CACNA2D1: variants seen among roughly 807,000 people sequenced by gnomAD.
CACNA2D1 encodes voltage-dependent calcium channel subunit alpha-2/delta-1.
CACNA2D1 carries 53 observed loss-of-function variants against 171.5 expected under a neutral mutation model. The observed-to-expected ratio is 0.31, with a 90% CI of 0.25 to 0.39. CACNA2D1 has a LOEUF of 0.39. Ranked by LOEUF, CACNA2D1 falls within the 10% of genes least tolerant of loss-of-function variation. The probability of loss-of-function intolerance (pLI) is 1.00; values close to 1 mark genes in which losing one functional copy is unlikely to be tolerated. For missense variants in CACNA2D1, 903 were observed against 1,299.8 expected (o/e 0.69, Z 4.69); for synonymous variants, 442 against 443.1 (o/e 1.00, Z 0.03).
At chr7:81,951,252 T>C (rs28575317) in intron 38 of CACNA2D1, among the ~76,000 whole-genome samples, 38,484 of 152,024 alleles carry the variant, frequency 0.25, 5,169 homozygotes, top group African/African-American at 0.34. Flanking sequence ...AAAAGTATTA[T>C]TCATCTTTTA....
At chr7:82,086,576 A>G (rs570476049) in intron 6 of CACNA2D1, among the ~76,000 whole-genome samples, 1 of 152,274 alleles carries the variant, frequency 6.6e-6, no homozygotes, top group Admixed American at 6.5e-5. Context: ...ACTATTCATG[A>G]ATATTTATAT....
chr7:81,954,965 T>C (rs1306999062), intron 38 of CACNA2D1, among the ~76,000 whole-genome samples: 1 of 152,172 alleles, frequency 6.6e-6, no homozygotes, highest in Non-Finnish European at 1.5e-5. Context: ...AGTATATTTA[T>C]TCAACTCTTT....
At chr7:82,306,691 G>A (rs974252178) in intron 3 of CACNA2D1, among the ~76,000 whole-genome samples, 2 of 152,082 alleles carry the variant, frequency 1.3e-5, no homozygotes, top group African/African-American at 2.4e-5. Context: ...CTGCATCTTC[G>A]TTTTTAAAAT....
At position 82,293,961 on chromosome 7, in the gene CACNA2D1, G is replaced by C. The variant is rs150440027; in HGVS notation, c.294+41174C>G. On this transcript the variant is annotated intron_variant, in intron 3 of 38. Transcript: ENST00000356860. ...GCTCTTTCTGCTCTTAGAAGACAAT[G>C]ATCTCTCTTCTGGCTCTACAATTTT... Among the ~76,000 whole-genome samples the C allele has an allele frequency of 3.3e-3, 505 of 152,172 alleles. 16 individuals are homozygous for C. The highest frequency in any genetic ancestry group is 0.03 in the Admixed American group (455 of 15,280).
intron 1 of CACNA2D1, among the ~76,000 whole-genome samples, chr7:82,387,492 G>A (rs904611821): frequency 6.6e-5 from 10 of 152,244 alleles, no homozygotes; most frequent in Non-Finnish European, 1.3e-4. Context: ...CAAATTTAAC[G>A]TGTCTTTAAA....
intron 3 of CACNA2D1, among the ~76,000 whole-genome samples, chr7:82,328,524 C>T (rs1816914590): frequency 6.6e-6 from 1 of 152,132 alleles, no homozygotes; most frequent in Non-Finnish European, 1.5e-5. Context: ...TAATAATATT[C>T]CTTCTGTCCC....
intron 20 of CACNA2D1, among the ~76,000 whole-genome samples, chr7:81,992,114 A>G (rs1008694205): frequency 8.6e-5 from 13 of 151,126 alleles, no homozygotes; most frequent in Admixed American, 8.6e-4. Context: ...AAGTGCTAGG[A>G]TTACAGGAGT....
chr7:82,206,471 A>C (rs571687752), intron 3 of CACNA2D1, among the ~76,000 whole-genome samples: 10 of 152,158 alleles, frequency 6.6e-5, no homozygotes, highest in Non-Finnish European at 1.3e-4. Flanking sequence ...AATGGTAGCA[A>C]TACTACCACT....
At chr7:82,441,713 G>C (rs1180448335) in intron 1 of CACNA2D1, among the ~76,000 whole-genome samples, 3 of 151,978 alleles carry the variant, frequency 2.0e-5, no homozygotes, top group Non-Finnish European at 2.9e-5. Flanking sequence ...TAAAAATATT[G>C]ATAAATTGTC....
chr7:82,060,936 A>G (rs1227373605), intron 9 of CACNA2D1, among the ~76,000 whole-genome samples: 1 of 152,152 alleles, frequency 6.6e-6, no homozygotes, highest in Non-Finnish European at 1.5e-5. Context: ...ATAAATCCAC[A>G]TAACAATTAT....
At chr7:82,020,691 T>C (rs1037434268) in intron 12 of CACNA2D1, 8 of 152,090 alleles carry the variant, frequency 5.3e-5, no homozygotes, top group Non-Finnish European at 7.4e-5. Context: ...TGAGCAAATT[T>C]GGTGAGCTTT....
At chr7:82,342,562 G>A (rs1253532782) in intron 2 of CACNA2D1, among the ~76,000 whole-genome samples, 1 of 152,074 alleles carries the variant, frequency 6.6e-6, no homozygotes, top group Non-Finnish European at 1.5e-5. Flanking sequence ...ATACAACACC[G>A]ATACAATAAT....
At chr7:82,066,307 C>T (rs1807591098) in intron 8 of CACNA2D1, 148 bp downstream of exon 8, 2 of 1,077,962 alleles carry the variant, frequency 1.9e-6, no homozygotes, top group Admixed American at 2.6e-5. Context: ...TTTTCATTTA[C>T]CTTTACCTAT....
At chr7:82,273,128 T>A (rs1323894341) in intron 3 of CACNA2D1, among the ~76,000 whole-genome samples, 1 of 152,162 alleles carries the variant, frequency 6.6e-6, no homozygotes, top group East Asian at 1.9e-4. Context: ...TCTACCAACT[T>A]CGTTGCCTAA....
chr7:82,057,849 G>A (rs1584573155), intron 10 of CACNA2D1, among the ~76,000 whole-genome samples: 1 of 152,136 alleles, frequency 6.6e-6, no homozygotes, highest in African/African-American at 2.4e-5. Flanking sequence ...AAAGGTATTA[G>A]AGGAAAGAAA....
chr7:82,128,764 A>C (rs960992553), intron 5 of CACNA2D1, among the ~76,000 whole-genome samples: 2 of 152,078 alleles, frequency 1.3e-5, no homozygotes, highest in African/African-American at 2.4e-5. Context: ...TGTATGATTT[A>C]CTTCTATTAT....
intron 3 of CACNA2D1, among the ~76,000 whole-genome samples, chr7:82,208,649 C>T (rs1184794258): frequency 6.6e-6 from 1 of 151,856 alleles, no homozygotes; most frequent in East Asian, 1.9e-4. Context: ...AATATCTTTA[C>T]TTTATCAGAT....
At chr7:82,252,048 TTTTA>T (rs2129316691) in intron 3 of CACNA2D1, among the ~76,000 whole-genome samples, 1 of 152,368 alleles carries the variant, frequency 6.6e-6, no homozygotes, top group Non-Finnish European at 1.5e-5. Context: ...ATTTACTATA[TTTTA>T]TTTATTAGAC....
chr7:82,128,816 C>T (rs1790634450), intron 5 of CACNA2D1, among the ~76,000 whole-genome samples: 1 of 151,970 alleles, frequency 6.6e-6, no homozygotes, highest in African/African-American at 2.4e-5. Flanking sequence ...TCCCATACTC[C>T]CCTCCCCTGC....
Sources: allele counts gnomAD v4.1 joint callset (sites outside exome capture counted in the v4.1 genomes callset), GRCh38; gene constraint gnomAD v4.1.1; transcripts MANE v1.5; gene names NCBI Gene and HGNC (gene_info 2026-07-23, HGNC 2026-07-21).